ANK2: variants seen among roughly 807,000 people sequenced by gnomAD.
The protein encoded by ANK2 is ankyrin 2.
A neutral mutation model predicts 360.5 loss-of-function variants in ANK2; 83 were observed. That is an observed-to-expected ratio of 0.23 (90% CI 0.19 to 0.28). The LOEUF (loss-of-function observed/expected upper bound fraction) is 0.28, where lower values mean the gene tolerates loss of function less well. ANK2 is among the 10% of genes least tolerant of loss of function. The pLI is 1.00. For synonymous variants in ANK2, 1,740 were observed against 1,759.5 expected (o/e 0.99, Z 0.28); for missense variants, 4,201 against 4,795.7 (o/e 0.88, Z 3.66).
At chr4:112,772,121 C>T in the ANK2 span, among the ~76,000 whole-genome samples, 1 of 152,020 alleles carries the variant, frequency 6.6e-6, no homozygotes, top group Non-Finnish European at 1.5e-5. Context: ...TTTCACGCTG[C>T]TGATAAAGAC....
chr4:112,856,736 A>G (rs1403837552), intron 1 of ANK2, among the ~76,000 whole-genome samples: 1 of 152,230 alleles, frequency 6.6e-6, no homozygotes, highest in Non-Finnish European at 1.5e-5. Flanking sequence ...TCAAAAAACA[A>G]AAAAGTGTAT....
chr4:112,795,142 A>G, the ANK2 span, among the ~76,000 whole-genome samples: 1 of 152,220 alleles, frequency 6.6e-6, no homozygotes, highest in Admixed American at 6.5e-5. Flanking sequence ...GCACTGGACA[A>G]TCCCAGAAGC....
intron 45 of ANK2, among the ~76,000 whole-genome samples, chr4:113,376,172 AC>A (rs530472094): frequency 1.2e-3 from 177 of 152,308 alleles, no homozygotes; most frequent in African/African-American, 3.9e-3. Flanking sequence ...TCATTAGACA[AC>A]TTTGTCATTG....
chr4:113,158,549 A>G (rs932002840), intron 1 of ANK2, among the ~76,000 whole-genome samples: 3 of 152,090 alleles, frequency 2.0e-5, no homozygotes, highest in Admixed American at 2.0e-4. Flanking sequence ...GCTGAAGGCA[A>G]CTCTATCTTG....
At chr4:113,231,955 G>A (rs575580713) in intron 4 of ANK2, among the ~76,000 whole-genome samples, 1 of 152,322 alleles carries the variant, frequency 6.6e-6, no homozygotes, top group Admixed American at 6.5e-5. Flanking sequence ...CTCTGGTACT[G>A]AAATGAAGAC....
chr4:112,841,248 C>T lies in ANK2; in HGVS notation c.-40+22984C>T, dbSNP rs79669397. Reference sequence around the variant, plus strand: ...TAAGCAAGTGTGTGATACAAGAAAACGCACAGTGCATATTTAGAAGGCTGA... The same window carrying T: ...TAAGCAAGTGTGTGATACAAGAAAATGCACAGTGCATATTTAGAAGGCTGA... On this transcript the variant is annotated intron_variant, in intron 1 of 30. Transcript: ENST00000503271. Among the ~76,000 whole-genome samples, 1,453 of 152,222 alleles carry T rather than the reference C, an allele frequency of 9.5e-3. 31 individuals carry two copies. The highest frequency in any genetic ancestry group is 0.032 in the African/African-American group (1,337 of 41,534).
At chr4:112,831,507 G>A (rs1370506048) in intron 1 of ANK2, among the ~76,000 whole-genome samples, 1 of 152,160 alleles carries the variant, frequency 6.6e-6, no homozygotes, top group African/African-American at 2.4e-5. Flanking sequence ...CCTGTGTCTA[G>A]CTCAAGGTTT....
chr4:113,074,210 C>T (rs958810914), intron 1 of ANK2, among the ~76,000 whole-genome samples: 12 of 152,066 alleles, frequency 7.9e-5, no homozygotes, highest in Non-Finnish European at 1.6e-4. Flanking sequence ...TTTTAATGTT[C>T]AACTTGATGT....
At chr4:112,940,876 G>C (rs1006224224) in intron 2 of ANK2, among the ~76,000 whole-genome samples, 6 of 152,046 alleles carry the variant, frequency 3.9e-5, no homozygotes, top group African/African-American at 1.4e-4. Context: ...GTGTCAAAGA[G>C]TATGATTTAT....
chr4:113,116,461 T>C (rs2154368727), intron 1 of ANK2, among the ~76,000 whole-genome samples: 1 of 152,318 alleles, frequency 6.6e-6, no homozygotes, highest in South Asian at 2.1e-4. Flanking sequence ...CGTGGATCTG[T>C]AAATGGTACA....
the ANK2 span, among the ~76,000 whole-genome samples, chr4:112,758,492 C>A: frequency 6.6e-6 from 1 of 152,054 alleles, no homozygotes; most frequent in Admixed American, 6.6e-5. Context: ...CTCACTGCAA[C>A]CTCCGCCTCC....
chr4:112,713,686 A>G, the ANK2 span, among the ~76,000 whole-genome samples: 1 of 152,162 alleles, frequency 6.6e-6, no homozygotes, highest in African/African-American at 2.4e-5. Context: ...TAACTTAATA[A>G]GAAACTGGCC....
At chr4:113,292,995 T>C (rs1197534472) in intron 21 of ANK2, 2 of 355,954 alleles carry the variant, frequency 5.6e-6, no homozygotes, top group Admixed American at 7.6e-5. Context: ...TGCTGCACAG[T>C]GAGCTTCTGC....
intron 4 of ANK2, chr4:113,217,112 C>A (rs2153473252): frequency 6.6e-6 from 1 of 152,250 alleles, no homozygotes; most frequent in East Asian, 1.9e-4. Flanking sequence ...CAAAGAACAG[C>A]CACCGGTACA....
intron 15 of ANK2, among the ~76,000 whole-genome samples, 176 bp from the exon 16 acceptor site, chr4:113,277,661 A>G (rs908467899): frequency 2.0e-5 from 3 of 152,224 alleles, no homozygotes; most frequent in African/African-American, 4.8e-5. Flanking sequence ...AAACTTTTGT[A>G]TGTTAAATTG....
chr4:113,299,567 T>A (rs1050446629), intron 22 of ANK2, among the ~76,000 whole-genome samples: 1 of 152,070 alleles, frequency 6.6e-6, no homozygotes. Flanking sequence ...GAGCCAGGCG[T>A]GCTGGTGCAC....
intron 2 of ANK2, among the ~76,000 whole-genome samples, chr4:113,027,407 G>A (rs980256589): frequency 1.1e-4 from 16 of 152,226 alleles, no homozygotes; most frequent in African/African-American, 3.1e-4. Context: ...TAAAGTTACT[G>A]TGGGGTCAGT....
In ANK2 at chr4:113,322,796, C is replaced by T. The variant is rs185557206; in HGVS notation, c.2900+4176C>T. 5.1e-3 allele frequency among the ~76,000 whole-genome samples: 771 copies of T among 152,142 alleles called. 7 individuals carry two copies. The highest frequency in any genetic ancestry group is 6.8e-3 in the Non-Finnish European group (463 of 67,988). ...ATCTTGAAGGTATTCTCTCAAATAA[C>T]GGGATATTTGAAATGCAAGGAAGTC... On this transcript the variant is annotated intron_variant, in intron 26 of 45. Coordinates refer to ENST00000357077, the MANE Select transcript of ANK2 (RefSeq NM_001148.6).
At chr4:113,217,333 T>TA in intron 4 of ANK2, among the ~76,000 whole-genome samples, 1 of 152,332 alleles carries the variant, frequency 6.6e-6, no homozygotes, top group East Asian at 1.9e-4. Context: ...GGACTACAAC[T>TA]AAAGTTTGTT....
Sources: gnomAD v4.1 joint callset for allele counts (sites outside exome capture counted in the v4.1 genomes callset) on GRCh38, gnomAD v4.1.1 for gene constraint, MANE v1.5 for transcripts, NCBI Gene and HGNC (gene_info 2026-07-23, HGNC 2026-07-21) for gene names.